The following TGFBR3 variants were observed in gnomAD, a reference collection of about 807,000 sequenced individuals.
TGFBR3 encodes transforming growth factor beta receptor type 3.
A neutral mutation model predicts 87.9 loss-of-function variants in TGFBR3; 46 were observed. The observed-to-expected ratio is 0.52, with a 90% CI of 0.41 to 0.67. TGFBR3 has a LOEUF of 0.67. Among genes scored for constraint, TGFBR3 ranks in the 30% least tolerant of loss-of-function variants. The probability of loss-of-function intolerance (pLI) is 0.00; values close to 1 mark genes in which losing one functional copy is unlikely to be tolerated. For synonymous variants in TGFBR3, 381 were observed against 391.6 expected (o/e 0.97, Z 0.32); for missense variants, 866 against 1,041.9 (o/e 0.83, Z 2.32).
At chr1:91,867,715 G>C (rs948538367) in intron 1 of TGFBR3, among the ~76,000 whole-genome samples, 1 of 152,112 alleles carries the variant, frequency 6.6e-6, no homozygotes, top group Admixed American at 6.5e-5. Context: ...TCATTTATAA[G>C]GGTGTCTGCT....
chr1:91,743,762 A>T (rs1044977579), intron 4 of TGFBR3, among the ~76,000 whole-genome samples: 6 of 152,232 alleles, frequency 3.9e-5, no homozygotes, highest in Non-Finnish European at 7.3e-5. Context: ...GCTGAGAAGG[A>T]TTCTGAGGTC....
intron 16 of TGFBR3, among the ~76,000 whole-genome samples, chr1:91,685,833 C>T (rs1026677886): frequency 7.2e-5 from 11 of 152,160 alleles, no homozygotes; most frequent in South Asian, 2.1e-4. Flanking sequence ...ACAAAAACAA[C>T]CTCCAGAGAC....
chr1:91,719,900 G>T lies in TGFBR3; in HGVS notation c.1406C>A (p.Ser469Tyr). The T allele has an allele frequency of 6.2e-7, 1 of 1,614,166 alleles. No homozygotes were observed. Among genetic ancestry groups the T allele is most frequent in the Non-Finnish European group, 8.5e-7 (1 of 1,180,012 alleles). The change falls in exon 9 of 17, where the codon TCT (serine) becomes TAT (tyrosine). Residue 469 changes from serine (S) to tyrosine (Y), a missense_variant. Transcript: ENST00000212355. Reference protein sequence around the residue: ...EKMIVAVEKDSFQASGYSGMD... With the variant: ...EKMIVAVEKDYFQASGYSGMD... Reference sequence around the variant, plus strand: ...GTAATCAGCTGCACCGACCTGAAAAGAATCTTTTTCTACAGCCACGATCAT... The same window carrying T: ...GTAATCAGCTGCACCGACCTGAAAATAATCTTTTTCTACAGCCACGATCAT...
chr1:91,871,719 G>A (rs2101240221), intron 1 of TGFBR3, among the ~76,000 whole-genome samples: 1 of 152,288 alleles, frequency 6.6e-6, no homozygotes, highest in Non-Finnish European at 1.5e-5. Flanking sequence ...AAGGTCCTGA[G>A]GTAAGAGCAT....
chr1:91,905,278 G>T (rs187291227), intron 1 of TGFBR3, among the ~76,000 whole-genome samples: 20 of 152,220 alleles, frequency 1.3e-4, no homozygotes, highest in African/African-American at 4.6e-4. Flanking sequence ...GGATCAGTTG[G>T]CTTATTTAAC....
rs145213375 is a variant in TGFBR3, at chr1:91,871,460, A to G, written c.-113-9816T>C. Among the ~76,000 whole-genome samples, 108 of 152,346 alleles carry G rather than the reference A, an allele frequency of 7.1e-4. 1 individual carries two copies. The highest frequency in any genetic ancestry group is 2.5e-3 in the African/African-American group (104 of 41,580). On this transcript the variant is annotated intron_variant, in intron 1 of 16. Coordinates refer to ENST00000212355, the MANE Select transcript of TGFBR3 (RefSeq NM_003243.5). The stretch of plus-strand genomic sequence containing the variant: ...AAATTAAACACACTCCTGTTTTCAC[A>G]TAGGTTACCTTCTAAAGGTGGGGAC...
intron 4 of TGFBR3, among the ~76,000 whole-genome samples, chr1:91,739,494 A>G (rs544749236): frequency 6.6e-6 from 1 of 152,350 alleles, no homozygotes; most frequent in East Asian, 1.9e-4. Flanking sequence ...ATTTTATAGC[A>G]CACCTTCTGC....
chr1:91,849,181 T>G lies in TGFBR3; in HGVS notation c.61+12290A>C, dbSNP rs11466562. ...TCCACCTTTGCCCAACAGCCTATTC[T>G]CAGCCCAGCAGCCAGAGTGGTCCTG... On this transcript the variant is annotated intron_variant, in intron 2 of 16. Coordinates refer to ENST00000212355, the MANE Select transcript of TGFBR3 (RefSeq NM_003243.5). 7.4e-3 allele frequency among the ~76,000 whole-genome samples: 1,133 copies of G among 152,302 alleles called. 16 individuals are homozygous for G. The highest frequency in any genetic ancestry group is 0.026 in the African/African-American group (1,071 of 41,560).
intron 2 of TGFBR3, among the ~76,000 whole-genome samples, chr1:91,819,209 A>C (rs1302908947): frequency 6.6e-6 from 1 of 152,088 alleles, no homozygotes; most frequent in African/African-American, 2.4e-5. Context: ...CTCTACTAAG[A>C]ATACAAAAAT....
At chr1:91,870,734 C>A (rs1317028298) in intron 1 of TGFBR3, among the ~76,000 whole-genome samples, 2 of 152,170 alleles carry the variant, frequency 1.3e-5, no homozygotes, top group Non-Finnish European at 2.9e-5. Flanking sequence ...CAGTGGTTCA[C>A]ACCTATAATC....
At chr1:91,856,235 T>C (rs927038737) in intron 2 of TGFBR3, among the ~76,000 whole-genome samples, 13 of 152,080 alleles carry the variant, frequency 8.5e-5, no homozygotes, top group African/African-American at 3.1e-4. Context: ...GCTAATTTTG[T>C]TTTTGTACTT....
intron 4 of TGFBR3, among the ~76,000 whole-genome samples, chr1:91,747,092 TTAGA>T (rs1673375959): frequency 6.6e-6 from 1 of 152,180 alleles, no homozygotes; most frequent in Middle Eastern, 3.2e-3. Context: ...CTCTGAGCAA[TTAGA>T]TAAAGTGCCA....
At chr1:91,731,711 C>T (rs751321461) in intron 5 of TGFBR3, among the ~76,000 whole-genome samples, 3 of 152,146 alleles carry the variant, frequency 2.0e-5, no homozygotes, top group Non-Finnish European at 4.4e-5. Context: ...GGATTGTGGC[C>T]GGCATATCCA....
intron 3 of TGFBR3, 50 bp downstream of exon 3, chr1:91,797,237 A>T: frequency 6.3e-7 from 1 of 1,594,136 alleles, no homozygotes; most frequent in Non-Finnish European, 8.6e-7. Context: ...CCAGAAAATC[A>T]TCTCTGCAGA....
At chr1:91,882,661 C>T (rs557200358) in intron 1 of TGFBR3, among the ~76,000 whole-genome samples, 12 of 152,166 alleles carry the variant, frequency 7.9e-5, no homozygotes, top group African/African-American at 2.2e-4. Context: ...AGGAGAATGG[C>T]GTGAACCTGG....
At chr1:91,885,051 A>G (rs1191526325) in intron 1 of TGFBR3, among the ~76,000 whole-genome samples, 1 of 152,276 alleles carries the variant, frequency 6.6e-6, no homozygotes, top group East Asian at 1.9e-4. Flanking sequence ...AGCACCTCAC[A>G]CACATTAAAT....
chr1:91,741,207 C>T (rs1673147928), intron 4 of TGFBR3, among the ~76,000 whole-genome samples: 1 of 152,188 alleles, frequency 6.6e-6, no homozygotes, highest in Non-Finnish European at 1.5e-5. Context: ...TCATAGGTTC[C>T]CATGACCCTG....
At chr1:91,711,870 T>C (rs1379334675) in intron 13 of TGFBR3, among the ~76,000 whole-genome samples, 2 of 152,174 alleles carry the variant, frequency 1.3e-5, no homozygotes, top group Non-Finnish European at 2.9e-5. Flanking sequence ...ACAATGACAA[T>C]GCCAGTCCCA....
At chr1:91,798,053 GA>G (rs1344157603) in intron 2 of TGFBR3, among the ~76,000 whole-genome samples, 33 of 152,182 alleles carry the variant, frequency 2.2e-4, no homozygotes, top group African/African-American at 7.5e-4. Flanking sequence ...GCCTCAAATA[GA>G]AAAAGTAGAG....
Sources: gnomAD v4.1 joint callset for allele counts (sites outside exome capture counted in the v4.1 genomes callset) on GRCh38, gnomAD v4.1.1 for gene constraint, MANE v1.5 for transcripts, NCBI Gene and HGNC (gene_info 2026-07-23, HGNC 2026-07-21) for gene names.